The following HHIP variants were observed in gnomAD, a reference collection of about 807,000 sequenced individuals.
HHIP encodes hedgehog interacting protein.
A neutral mutation model predicts 74.0 loss-of-function variants in HHIP; 12 were observed. The ratio of observed to expected loss-of-function variants is 0.16; its 90% CI spans 0.10 to 0.26. The LOEUF is 0.26. Ranked by LOEUF, HHIP falls within the 10% of genes least tolerant of loss-of-function variation. The pLI is 1.00. For synonymous variants in HHIP, 309 were observed against 311.6 expected (o/e 0.99, Z 0.09); for missense variants, 788 against 845.0 (o/e 0.93, Z 0.84).
chr4:144,711,491 C>T (rs1239320676), intron 7 of HHIP, among the ~76,000 whole-genome samples: 1 of 152,068 alleles, frequency 6.6e-6, no homozygotes, highest in Non-Finnish European at 1.5e-5. Context: ...CGTCCCCCTG[C>T]ACCCCGCCCC....
chr4:144,669,244 T>G (rs999989070), intron 4 of HHIP, among the ~76,000 whole-genome samples: 1 of 152,194 alleles, frequency 6.6e-6, no homozygotes, highest in Admixed American at 6.5e-5. Context: ...GACATTTCAG[T>G]CAAATATGTT....
chr4:144,719,045 T>C, intron 11 of HHIP, 89 bp downstream of exon 11: 1 of 825,790 alleles, frequency 1.2e-6, no homozygotes. Context: ...ATGTCACAAT[T>C]AGCAATCAGC....
chr4:144,686,691 A>G (rs1396817580), intron 4 of HHIP, among the ~76,000 whole-genome samples: 2 of 152,176 alleles, frequency 1.3e-5, no homozygotes, highest in African/African-American at 2.4e-5. Flanking sequence ...TAAAGACTTA[A>G]TTCAGACTAT....
In HHIP at chr4:144,735,660, G is replaced by A. The variant is rs115725335; in HGVS notation, c.1909+771G>A. Among the ~76,000 whole-genome samples the A allele has an allele frequency of 6.9e-3, 982 of 141,502 alleles. 9 individuals are homozygous for A. Among genetic ancestry groups the A allele is most frequent in the African/African-American group, 0.023 (941 of 40,152 alleles). 92.8% of individuals were successfully genotyped at this position (141,502 alleles called of 152,430 possible). ...ATCACTTAGAAATGATTTTGATCTC[G>A]GCTATTTCAAATATTAAAATACTTA... On this transcript the variant is annotated intron_variant, in intron 12 of 12. Coordinates refer to ENST00000296575, the MANE Select transcript of HHIP (RefSeq NM_022475.3).
chr4:144,675,510 AT>A (rs1729148992), intron 4 of HHIP, among the ~76,000 whole-genome samples: 1 of 152,018 alleles, frequency 6.6e-6, no homozygotes, highest in Non-Finnish European at 1.5e-5. Context: ...TTGGGAAATA[AT>A]TTTTGTTTAC....
intron 7 of HHIP, among the ~76,000 whole-genome samples, 166 bp downstream of exon 7, chr4:144,708,477 C>G (rs774082941): frequency 1.3e-5 from 2 of 152,212 alleles, no homozygotes; most frequent in Non-Finnish European, 2.9e-5. Flanking sequence ...GTATTTAGCA[C>G]ACTGTCTTCT....
intron 4 of HHIP, among the ~76,000 whole-genome samples, chr4:144,704,417 G>A (rs973421614): frequency 6.6e-6 from 1 of 152,126 alleles, no homozygotes; most frequent in East Asian, 1.9e-4. Flanking sequence ...TTTAGTAAAT[G>A]TCAAAAATGC....
rs932115942 is a variant in HHIP, at chr4:144,744,809, G to A, written c.*6852G>A. 1.6e-4 allele frequency: 25 copies of A among 152,120 alleles called. No individual in the cohort carries two copies. The highest frequency in any genetic ancestry group is 7.3e-5 in the Non-Finnish European group (5 of 68,038). The allele number at this position is 152,120 out of a possible 1,614,324, so 9.4% of individuals were successfully genotyped here. A position where few individuals can be genotyped will look rare whatever the true frequency, so the allele number is the denominator to read the frequency against. ...ATTGTGGGCCCAATCGGCATCATAA[G>A]CATGTCTGAAGCAAAAGACAATAAT... On this transcript the variant is annotated 3_prime_UTR_variant, in exon 13 of 13. Coordinates refer to ENST00000296575, the MANE Select transcript of HHIP (RefSeq NM_022475.3).
At chr4:144,676,036 T>C (rs1311158916) in intron 4 of HHIP, among the ~76,000 whole-genome samples, 4 of 152,182 alleles carry the variant, frequency 2.6e-5, no homozygotes, top group Non-Finnish European at 5.9e-5. Context: ...CTCAAGAGTG[T>C]ACGTAAACAA....
chr4:144,714,628 C>T (rs1730396493), intron 9 of HHIP, among the ~76,000 whole-genome samples: 1 of 152,112 alleles, frequency 6.6e-6, no homozygotes, highest in Non-Finnish European at 1.5e-5. Context: ...CTCTTCCCTT[C>T]ATCCTCAACA....
intron 4 of HHIP, among the ~76,000 whole-genome samples, chr4:144,698,910 T>C (rs1729898593): frequency 6.6e-6 from 1 of 152,196 alleles, no homozygotes; most frequent in Admixed American, 6.5e-5. Context: ...TATTCTCAAA[T>C]AGACTTGATC....
At chr4:144,663,701 T>C (rs1728779658) in intron 4 of HHIP, among the ~76,000 whole-genome samples, 1 of 152,220 alleles carries the variant, frequency 6.6e-6, no homozygotes, top group Admixed American at 6.5e-5. Context: ...CTCAAGTTAA[T>C]TCTAACTGGG....
chr4:144,714,495 A>G (rs1314176744), intron 9 of HHIP, 147 bp downstream of exon 9: 5 of 747,244 alleles, frequency 6.7e-6, no homozygotes, highest in Non-Finnish European at 1.1e-5. Flanking sequence ...TTTTAGTTCC[A>G]TAGATATAGT....
At chr4:144,727,340 C>T (rs1378172239) in intron 11 of HHIP, among the ~76,000 whole-genome samples, 1 of 152,144 alleles carries the variant, frequency 6.6e-6, no homozygotes, top group Non-Finnish European at 1.5e-5. Flanking sequence ...CTCACTTCTT[C>T]CCAAAGACCC....
At chr4:144,714,104 CT>C in intron 8 of HHIP, 120 bp from the exon 9 acceptor site, 2 of 812,958 alleles carry the variant, frequency 2.5e-6, no homozygotes, top group Non-Finnish European at 3.9e-6. Flanking sequence ...GCAAGAAACC[CT>C]TTGGTGTATC....
chr4:144,703,393 A>G (rs1230996346), intron 4 of HHIP, among the ~76,000 whole-genome samples: 1 of 152,082 alleles, frequency 6.6e-6, no homozygotes, highest in Non-Finnish European at 1.5e-5. Flanking sequence ...TGCTCCCTAG[A>G]CTCAGTTCAA....
At chr4:144,651,254 A>C (rs1728421287) in intron 1 of HHIP, among the ~76,000 whole-genome samples, 1 of 152,126 alleles carries the variant, frequency 6.6e-6, no homozygotes, top group Admixed American at 6.5e-5. Flanking sequence ...TAAGACAGTA[A>C]ATATAATTGT....
At chr4:144,734,714 A>C (rs1194952792) in intron 11 of HHIP, 27 bp from the exon 12 acceptor site, 1 of 1,500,702 alleles carries the variant, frequency 6.7e-7, no homozygotes, top group Non-Finnish European at 9.1e-7. Context: ...AATGGAATAC[A>C]CTTTCAACTA....
chr4:144,647,300 T>TA (rs1252442773), intron 1 of HHIP: 1 of 223,746 alleles, frequency 4.5e-6, no homozygotes, highest in African/African-American at 2.3e-5. Context: ...GGTGAAACTG[T>TA]AAATTAAGGT....
Sources: allele counts gnomAD v4.1 joint callset (sites outside exome capture counted in the v4.1 genomes callset), GRCh38; gene constraint gnomAD v4.1.1; transcripts MANE v1.5; gene names NCBI Gene and HGNC (gene_info 2026-07-23, HGNC 2026-07-21).